LGSN: variants seen among roughly 807,000 people sequenced by gnomAD.
LGSN encodes the protein lengsin.
In LGSN, 21 loss-of-function variants were observed where a neutral mutation model predicts 19.5. That is an observed-to-expected ratio of 1.07 (90% CI 0.76 to 1.55). The LOEUF (loss-of-function observed/expected upper bound fraction) is 1.55. LGSN is among the 40% of genes most tolerant of loss of function. The probability of loss-of-function intolerance (pLI) is 0.00; values close to 1 mark genes in which losing one functional copy is unlikely to be tolerated. For synonymous variants in LGSN, 257 were observed against 215.6 expected (o/e 1.19, Z -1.68); for missense variants, 673 against 608.5 (o/e 1.11, Z -1.12).
chr6:63,362,141 T>C, the LGSN span, among the ~76,000 whole-genome samples: 3 of 152,214 alleles, frequency 2.0e-5, no homozygotes, highest in Non-Finnish European at 2.9e-5. Context: ...CTGAAGGACC[T>C]GCCTGAGGTT....
the LGSN span, among the ~76,000 whole-genome samples, chr6:63,432,565 G>A: frequency 6.6e-5 from 10 of 151,378 alleles, no homozygotes; most frequent in African/African-American, 1.5e-4. Context: ...GGTGGTGGGC[G>A]CCTGTAGTCC....
At chr6:63,345,151 A>G in the LGSN span, among the ~76,000 whole-genome samples, 1 of 152,336 alleles carries the variant, frequency 6.6e-6, no homozygotes, top group South Asian at 2.1e-4. Flanking sequence ...TAGCAATATT[A>G]TTATGCTAAT....
Position 63,278,609 on chromosome 6 carries a change from G to A in LGSN, c.*1412C>T, listed in dbSNP as rs1034014931. On this transcript the variant is annotated 3_prime_UTR_variant, in exon 4 of 4. Transcript: ENST00000370657. ...GGACTACAGGCATGTGCCACCATGCGAGGCATTTTTTTTTTTTTTTTTGTA... is the reference window on the plus strand; with the variant it reads ...GGACTACAGGCATGTGCCACCATGCAAGGCATTTTTTTTTTTTTTTTTGTA... 9 of 150,076 alleles carry A rather than the reference G, an allele frequency of 6.0e-5. No homozygotes were observed. The highest frequency in any genetic ancestry group is 1.0e-4 in the African/African-American group (4 of 40,118). The allele number at this position is 150,076 out of a possible 1,614,324, so 9.3% of individuals were successfully genotyped here. A position where few individuals can be genotyped will look rare whatever the true frequency, so the allele number is the denominator to read the frequency against.
chr6:63,498,067 C>T, the LGSN span, among the ~76,000 whole-genome samples: 1 of 151,756 alleles, frequency 6.6e-6, no homozygotes, highest in Non-Finnish European at 1.5e-5. Context: ...TACAGGCATG[C>T]ACCACTACAC....
the LGSN span, among the ~76,000 whole-genome samples, chr6:63,432,169 GAAAA>G: frequency 0.011 from 952 of 88,162 alleles, 50 homozygotes; most frequent in African/African-American, 0.029. Flanking sequence ...AAGAAAGAAA[GAAAA>G]GGAAAGAAAG....
intron 2 of LGSN, among the ~76,000 whole-genome samples, chr6:63,288,989 TCTGTTTCTGTTTTCTTCAGTGTC>T (rs1381762176): frequency 6.6e-6 from 1 of 152,216 alleles, no homozygotes; most frequent in African/African-American, 2.4e-5. Flanking sequence ...AGTGTATCAT[TCTGTTTCTGTTTTCTTCAGTGTC>T]CAAATTGGCA....
chr6:63,456,001 G>A, the LGSN span, among the ~76,000 whole-genome samples: 1 of 151,834 alleles, frequency 6.6e-6, no homozygotes, highest in African/African-American at 2.4e-5. Flanking sequence ...AGGCTAAGGT[G>A]GGTGGATCAC....
the LGSN span, chr6:63,441,568 G>T: frequency 4.5e-6 from 2 of 441,570 alleles, no homozygotes; most frequent in Non-Finnish European, 8.7e-6. Context: ...GAAGTAGAAC[G>T]AGAGGCAGAG....
chr6:63,365,688 A>G, the LGSN span, among the ~76,000 whole-genome samples: 1 of 152,260 alleles, frequency 6.6e-6, no homozygotes, highest in Non-Finnish European at 1.5e-5. Flanking sequence ...AAAATCCTCA[A>G]TAAAATACTA....
At chr6:63,512,083 C>CT in the LGSN span, among the ~76,000 whole-genome samples, 79,607 of 148,432 alleles carry the variant, frequency 0.54, 22,864 homozygotes, top group African/African-American at 0.77. Context: ...GCTCCATGTT[C>CT]TTTTTTTTTT....
the LGSN span, among the ~76,000 whole-genome samples, chr6:63,360,488 C>T: frequency 4.6e-5 from 7 of 152,272 alleles, no homozygotes; most frequent in East Asian, 1.9e-4. Context: ...ACATAGTTCT[C>T]GTGTCATGGT....
the LGSN span, among the ~76,000 whole-genome samples, chr6:63,518,174 A>T: frequency 6.6e-6 from 1 of 151,522 alleles, no homozygotes; most frequent in Non-Finnish European, 1.5e-5. Flanking sequence ...AAAAAAAAAA[A>T]TCTCAGTAGG....
the LGSN span, among the ~76,000 whole-genome samples, chr6:63,387,561 G>A: frequency 6.6e-6 from 1 of 152,062 alleles, no homozygotes; most frequent in South Asian, 2.1e-4. Context: ...CAGATACTGA[G>A]GGACAACTGT....
At chr6:63,420,637 T>C in the LGSN span, among the ~76,000 whole-genome samples, 1 of 152,216 alleles carries the variant, frequency 6.6e-6, no homozygotes, top group Non-Finnish European at 1.5e-5. Context: ...AGCGCCTTCC[T>C]TTGCTGCAGG....
chr6:63,473,459 G>A, the LGSN span, among the ~76,000 whole-genome samples: 2 of 123,932 alleles, frequency 1.6e-5, no homozygotes, highest in African/African-American at 6.4e-5. Context: ...GGGTAACAGA[G>A]CGACACTCTG....
intron 2 of LGSN, among the ~76,000 whole-genome samples, chr6:63,291,675 A>C (rs1273621193): frequency 1.3e-5 from 2 of 152,190 alleles, no homozygotes; most frequent in African/African-American, 4.8e-5. Context: ...GTTCCTATTC[A>C]GGGCCATGGG....
At chr6:63,366,886 T>C in the LGSN span, among the ~76,000 whole-genome samples, 1 of 150,578 alleles carries the variant, frequency 6.6e-6, no homozygotes, top group Non-Finnish European at 1.5e-5. Context: ...TGGCTAGCCA[T>C]ATGTAGAAAG....
the LGSN span, among the ~76,000 whole-genome samples, chr6:63,405,164 C>T: frequency 6.6e-6 from 1 of 151,856 alleles, no homozygotes; most frequent in Non-Finnish European, 1.5e-5. Context: ...CATAGTATTC[C>T]ATGGTGTATA....
the LGSN span, among the ~76,000 whole-genome samples, chr6:63,325,792 C>T: frequency 9.9e-5 from 15 of 152,170 alleles, no homozygotes; most frequent in South Asian, 2.1e-4. Flanking sequence ...CAGACCTTTG[C>T]GGTGAGTTTT....
Sources: gnomAD v4.1 joint callset for allele counts (sites outside exome capture counted in the v4.1 genomes callset) on GRCh38, gnomAD v4.1.1 for gene constraint, MANE v1.5 for transcripts, NCBI Gene and HGNC (gene_info 2026-07-23, HGNC 2026-07-21) for gene names.